Variants in TM9SF3 observed in about 807,000 individuals in gnomAD.
The protein encoded by TM9SF3 is SM-11044-binding protein.
TM9SF3 carries 14 observed loss-of-function variants against 78.6 expected under a neutral mutation model. That is an observed-to-expected ratio of 0.18 (90% CI 0.12 to 0.28). The LOEUF is 0.28. Ranked by LOEUF, TM9SF3 falls within the 10% of genes least tolerant of loss-of-function variation. The pLI is 1.00. For missense variants in TM9SF3, 496 were observed against 721.9 expected, an observed-to-expected ratio of 0.69 and a Z score of 3.59; for synonymous variants, 231 against 241.7, an observed-to-expected ratio of 0.96 and a Z score of 0.41.
In TM9SF3 at chr10:96,584,609, G is replaced by A. The variant is rs1848609306; in HGVS notation, c.102+2125C>T. 1.3e-5 allele frequency among the ~76,000 whole-genome samples: 2 copies of A among 152,294 alleles called. 1 individual carries two copies. The highest frequency in any genetic ancestry group is 2.9e-5 in the Non-Finnish European group (2 of 68,030). ...GATCACTTGAGGCCAGTCGTTTTGA[G>A]TTCAAGACCAGCCGGGCCAACATGG... On this transcript the variant is annotated intron_variant, in intron 1 of 14. Transcript: ENST00000371142.
chr10:96,578,717 C>CA (rs1848525572), intron 1 of TM9SF3, among the ~76,000 whole-genome samples: 1 of 152,208 alleles, frequency 6.6e-6, no homozygotes. Flanking sequence ...GATATTGCCT[C>CA]AGAGTTCTCA....
intron 9 of TM9SF3, among the ~76,000 whole-genome samples, chr10:96,540,599 G>T (rs190887196): frequency 6.6e-6 from 1 of 150,956 alleles, no homozygotes; most frequent in African/African-American, 2.4e-5. Context: ...TAAAGAGGAA[G>T]AATGGGATAG....
At chr10:96,567,321 G>GGGCGGTTCT (rs1848387985) in intron 2 of TM9SF3, among the ~76,000 whole-genome samples, 2 of 152,228 alleles carry the variant, frequency 1.3e-5, no homozygotes, top group Admixed American at 1.3e-4. Context: ...CTGATCTCAG[G>GGGCGGTTCT]TGAACCGCCC....
intron 14 of TM9SF3, among the ~76,000 whole-genome samples, chr10:96,523,992 T>C (rs910747507): frequency 3.3e-5 from 5 of 151,762 alleles, no homozygotes; most frequent in African/African-American, 9.7e-5. Context: ...TACTGAAATA[T>C]TTACACTTGA....
intron 5 of TM9SF3, among the ~76,000 whole-genome samples, chr10:96,556,626 G>A (rs1290129391): frequency 6.6e-6 from 1 of 151,650 alleles, no homozygotes; most frequent in Non-Finnish European, 1.5e-5. Flanking sequence ...AACCCCATCA[G>A]CATATAAAGT....
At chr10:96,571,346 T>A (rs1300474040) in intron 2 of TM9SF3, among the ~76,000 whole-genome samples, 1 of 152,166 alleles carries the variant, frequency 6.6e-6, no homozygotes, top group Non-Finnish European at 1.5e-5. Context: ...CCTCAACTTA[T>A]CCCTGTAGTA....
rs778102934 is a variant in TM9SF3, at chr10:96,576,673, C to T, written c.259G>A (p.Val87Ile). 9 of 1,603,482 alleles carry T rather than the reference C, an allele frequency of 5.6e-6. No homozygotes were observed. In the South Asian group the frequency reaches 9.0e-5, roughly 16 times the overall value. ...HETLGEALQG[V>I]ELEFSGLDIK... The stretch of plus-strand genomic sequence containing the variant: ...TCCAGACCACTAAATTCCAATTCAA[C>T]CCCTTGAAGTGCTTCTCCCAGAGTT... The change falls in exon 2 of 15, where the codon GTT becomes ATT. Residue 87 changes from valine to isoleucine, a missense_variant. Physicochemically the swap from Val to Ile is conservative, Grantham distance 29. This residue lies in a region of TM9SF3 where 155 missense variants were observed against 241.6 expected (regional missense o/e 0.64). Transcript: ENST00000371142.
At chr10:96,547,602 C>T (rs768813091) in intron 8 of TM9SF3, among the ~76,000 whole-genome samples, 1 of 24,866 alleles carries the variant, frequency 4.0e-5, no homozygotes, top group Non-Finnish European at 8.0e-5. Context: ...GGCCGAATCA[C>T]TTGAGGTCAG....
In TM9SF3 at chr10:96,544,540, CA is replaced by C. The variant is rs527835154; in HGVS notation, c.1055-335del. Among the ~76,000 whole-genome samples the C allele has an allele frequency of 3.7e-3, 566 of 151,300 alleles. 4 individuals are homozygous for C. The highest frequency in any genetic ancestry group is 0.013 in the African/African-American group (535 of 41,314). ...TTATTACTGGTTTAAATTAACTGATCAAAAAAAAGAGAAAGGGGTTTTAAAA... is the reference window on the plus strand; with the variant it reads ...TTATTACTGGTTTAAATTAACTGATCAAAAAAAGAGAAAGGGGTTTTAAAA... On this transcript the variant is annotated intron_variant, in intron 8 of 14. Transcript: ENST00000371142.
At chr10:96,572,441 C>G (rs1848446536) in intron 2 of TM9SF3, among the ~76,000 whole-genome samples, 1 of 151,912 alleles carries the variant, frequency 6.6e-6, no homozygotes, top group African/African-American at 2.4e-5. Flanking sequence ...CGAAGAGGTA[C>G]CCTCTAAAAC....
rs1847779622 is a variant in TM9SF3 at position 96,521,852 on chromosome 10, G to C, written c.*411C>G. 1 of 157,206 alleles carries C rather than the reference G, an allele frequency of 6.4e-6. No homozygotes were observed. The highest frequency in any genetic ancestry group is 2.4e-5 in the African/African-American group (1 of 41,484). The allele number at this position is 157,206 out of a possible 1,614,324, so 9.7% of individuals were successfully genotyped here. On this transcript the variant is annotated 3_prime_UTR_variant, in exon 15 of 15. Transcript: ENST00000371142. Reference sequence around the variant, plus strand: ...TGGAACATCATTTTTCAATAACATAGAAACACTAAGTGCCAGGAAGATTCC... The same window carrying C: ...TGGAACATCATTTTTCAATAACATACAAACACTAAGTGCCAGGAAGATTCC...
At chr10:96,570,942 T>A (rs1848431090) in intron 2 of TM9SF3, among the ~76,000 whole-genome samples, 1 of 152,166 alleles carries the variant, frequency 6.6e-6, no homozygotes, top group Admixed American at 6.5e-5. Flanking sequence ...TTTCACCATG[T>A]TGGCCAAGCT....
chr10:96,569,851 G>C (rs868337685), intron 2 of TM9SF3, among the ~76,000 whole-genome samples: 16 of 152,122 alleles, frequency 1.1e-4, no homozygotes. Context: ...GGCCAACATG[G>C]TGAAACCCCG....
intron 3 of TM9SF3, among the ~76,000 whole-genome samples, chr10:96,563,661 A>G (rs780373695): frequency 3.3e-5 from 5 of 152,230 alleles, no homozygotes; most frequent in Non-Finnish European, 5.9e-5. Flanking sequence ...TACAGGCGTG[A>G]GCCACCGCGC....
At chr10:96,565,831 TATAAGATCTCTCTGAGATAAACACTG>T (rs1564937658) in intron 2 of TM9SF3, among the ~76,000 whole-genome samples, 1 of 152,160 alleles carries the variant, frequency 6.6e-6, no homozygotes, top group African/African-American at 2.4e-5. Flanking sequence ...CATTTGTAGC[TATAAGATCTCTCTGAGATAAACACTG>T]ATTTTAACAT....
chr10:96,529,531 G>A (rs1847874039), intron 11 of TM9SF3, among the ~76,000 whole-genome samples: 1 of 151,650 alleles, frequency 6.6e-6, no homozygotes, highest in African/African-American at 2.4e-5. Context: ...CTTCAGATAG[G>A]ACTTTATGTT....
intron 2 of TM9SF3, among the ~76,000 whole-genome samples, chr10:96,567,277 G>A (rs1312317426): frequency 6.6e-6 from 1 of 151,834 alleles, no homozygotes; most frequent in Non-Finnish European, 1.5e-5. Flanking sequence ...GTAGAAACAG[G>A]GTTTCACCAT....
chr10:96,525,633 C>T (rs1396348409), intron 14 of TM9SF3, among the ~76,000 whole-genome samples: 1 of 151,958 alleles, frequency 6.6e-6, no homozygotes, highest in African/African-American at 2.4e-5. Flanking sequence ...CAAATACACA[C>T]ATACATACAT....
rs1701789313 is a variant in TM9SF3 at position 96,527,747 on chromosome 10, TAA to T, written c.1542-253_1542-252del. The stretch of plus-strand genomic sequence containing the variant: ...AATACACCATTTCCTTTTTCATATC[TAA>T]GTTTCCTTGTGTTTAGAATGGAGCA... On this transcript the variant is annotated intron_variant, in intron 12 of 14. Coordinates refer to ENST00000371142, the MANE Select transcript of TM9SF3 (RefSeq NM_020123.4). Among the ~76,000 whole-genome samples the T allele has an allele frequency of 3.9e-5, 6 of 152,274 alleles. No individual in the cohort carries two copies. In the South Asian group the frequency reaches 1.2e-3, roughly 32 times the overall value.
Sources: allele counts gnomAD v4.1 joint callset (sites outside exome capture counted in the v4.1 genomes callset), GRCh38; gene constraint gnomAD v4.1.1; regional missense constraint gnomAD v4.1.1; transcripts MANE v1.5; gene names NCBI Gene and HGNC (gene_info 2026-07-23, HGNC 2026-07-21).